BMAL1: variants seen among roughly 807,000 people sequenced by gnomAD.
BMAL1 encodes basic helix-loop-helix ARNT-like protein 1.
chr11:13,292,225 G>C, the BMAL1 span, among the ~76,000 whole-genome samples: 3 of 152,046 alleles, frequency 2.0e-5, no homozygotes, highest in East Asian at 5.8e-4. Context: ...CAACTGAATG[G>C]AACACTTTTT....
At chr11:13,369,577 C>T in the BMAL1 span, 3 of 1,611,588 alleles carry the variant, frequency 1.9e-6, no homozygotes, top group Non-Finnish European at 2.5e-6. Flanking sequence ...TGACAGACAA[C>T]ACTGCTCTCA....
At chr11:13,374,297 T>G in the BMAL1 span, 1 of 1,161,862 alleles carries the variant, frequency 8.6e-7, no homozygotes, top group East Asian at 2.4e-5. Flanking sequence ...CCACTGAGGA[T>G]GTAGAGTCAG....
the BMAL1 span, chr11:13,379,941 T>TA: frequency 6.6e-6 from 1 of 152,226 alleles, no homozygotes; most frequent in African/African-American, 2.4e-5. Flanking sequence ...AGTCTTGTGT[T>TA]ACGCTTTGTG....
the BMAL1 span, among the ~76,000 whole-genome samples, chr11:13,315,312 C>T: frequency 3.9e-5 from 6 of 152,206 alleles, no homozygotes; most frequent in Non-Finnish European, 8.8e-5. Context: ...AGCTGATTGG[C>T]CTGCCTCCTC....
the BMAL1 span, among the ~76,000 whole-genome samples, chr11:13,338,596 C>T: frequency 1.3e-5 from 2 of 152,192 alleles, no homozygotes; most frequent in African/African-American, 4.8e-5. Context: ...CCCTCTTTCT[C>T]CTACTTGGGA....
the BMAL1 span, among the ~76,000 whole-genome samples, chr11:13,299,537 G>A: frequency 1.3e-5 from 2 of 152,172 alleles, no homozygotes; most frequent in South Asian, 2.1e-4. Context: ...GGGGAAAACT[G>A]TAATGCCAGG....
At chr11:13,373,507 G>A in the BMAL1 span, among the ~76,000 whole-genome samples, 2 of 152,172 alleles carry the variant, frequency 1.3e-5, no homozygotes, top group Non-Finnish European at 2.9e-5. Context: ...TCTAATTAAT[G>A]TGGTTCCTTT....
chr11:13,371,691 C>A, the BMAL1 span, among the ~76,000 whole-genome samples: 24 of 152,326 alleles, frequency 1.6e-4, no homozygotes, highest in African/African-American at 5.8e-4. Context: ...CCCTTTTAAT[C>A]TTCCTCCAAC....
At chr11:13,283,135 A>G in the BMAL1 span, among the ~76,000 whole-genome samples, 2 of 152,286 alleles carry the variant, frequency 1.3e-5, no homozygotes, top group South Asian at 4.1e-4. Context: ...CTGTCCTTTT[A>G]AATAGTGTAA....
the BMAL1 span, among the ~76,000 whole-genome samples, chr11:13,385,083 T>G: frequency 6.6e-6 from 1 of 152,158 alleles, no homozygotes; most frequent in Non-Finnish European, 1.5e-5. Context: ...TCTCAAAGAA[T>G]GCTCTTCTTT....
At chr11:13,290,570 A>G in the BMAL1 span, among the ~76,000 whole-genome samples, 260 of 150,742 alleles carry the variant, frequency 1.7e-3, no homozygotes, top group Non-Finnish European at 2.9e-3. Flanking sequence ...TATTATTATT[A>G]TTATTATTAT....
chr11:13,282,252 T>C, the BMAL1 span, among the ~76,000 whole-genome samples: 1 of 152,188 alleles, frequency 6.6e-6, no homozygotes, highest in South Asian at 2.1e-4. Context: ...TCAATTTTCT[T>C]TTGCTCTCTA....
At chr11:13,386,807 TGGA>T in the BMAL1 span, 1 of 1,590,856 alleles carries the variant, frequency 6.3e-7, no homozygotes, top group African/African-American at 1.3e-5. Flanking sequence ...GCATTACTGG[TGGA>T]GTTTTACAGT....
At chr11:13,315,150 A>G in the BMAL1 span, among the ~76,000 whole-genome samples, 3 of 152,004 alleles carry the variant, frequency 2.0e-5, no homozygotes, top group African/African-American at 7.3e-5. Context: ...AGACCAGGAC[A>G]CTCCAGCAGG....
chr11:13,283,335 G>C, the BMAL1 span, among the ~76,000 whole-genome samples: 1 of 152,144 alleles, frequency 6.6e-6, no homozygotes, highest in Non-Finnish European at 1.5e-5. Flanking sequence ...TGCAAAATAG[G>C]AATAATAATT....
the BMAL1 span, among the ~76,000 whole-genome samples, chr11:13,367,308 G>A: frequency 8.5e-5 from 13 of 152,276 alleles, no homozygotes; most frequent in East Asian, 2.5e-3. Context: ...TCTGCCCCCA[G>A]CTTCCTGCTA....
At chr11:13,368,756 A>G in the BMAL1 span, among the ~76,000 whole-genome samples, 1 of 152,208 alleles carries the variant, frequency 6.6e-6, no homozygotes, top group Non-Finnish European at 1.5e-5. Context: ...AGAGATTCTA[A>G]TTTGGTTTTT....
At chr11:13,359,658 C>T in the BMAL1 span, among the ~76,000 whole-genome samples, 563 of 152,298 alleles carry the variant, frequency 3.7e-3, 4 homozygotes, top group African/African-American at 0.013. Context: ...TATTCCTTCA[C>T]TATTCTACTC....
At chr11:13,341,451 G>A in the BMAL1 span, among the ~76,000 whole-genome samples, 3 of 151,962 alleles carry the variant, frequency 2.0e-5, no homozygotes, top group Non-Finnish European at 2.9e-5. Flanking sequence ...TCTTCACTGC[G>A]TCTCGGCCTG....
Sources: gnomAD v4.1 joint callset for allele counts (sites outside exome capture counted in the v4.1 genomes callset) on GRCh38, gnomAD v4.1.1 for gene constraint, MANE v1.5 for transcripts, NCBI Gene and HGNC (gene_info 2026-07-23, HGNC 2026-07-21) for gene names.